Variants in MTG2 observed in about 807,000 individuals in gnomAD.
MTG2 encodes mitochondrial ribosome associated GTPase 2, also known as mitochondrial ribosome-associated GTPase 2.
Under a neutral mutation model 28.6 loss-of-function variants are expected in MTG2, and 23 were observed. That is an observed-to-expected ratio of 0.80 (90% CI 0.58 to 1.14). The LOEUF (loss-of-function observed/expected upper bound fraction) is 1.14, where lower values mean the gene tolerates loss of function less well. Among genes scored for constraint, MTG2 ranks in the 50% most tolerant of loss-of-function variants. The probability of loss-of-function intolerance (pLI) is 0.00; values close to 1 mark genes in which losing one functional copy is unlikely to be tolerated. For synonymous variants in MTG2, 260 were observed against 251.8 expected, an observed-to-expected ratio of 1.03 and a Z score of -0.31; for missense variants, 539 against 552.0, an observed-to-expected ratio of 0.98 and a Z score of 0.24.
intron 1 of MTG2, among the ~76,000 whole-genome samples, chr20:62,189,114 G>C (rs1373452447): frequency 6.6e-6 from 1 of 152,110 alleles, no homozygotes; most frequent in Admixed American, 6.5e-5. Flanking sequence ...CTTGAGACCA[G>C]CCTGGGTAAC....
rs78123987 is a variant in MTG2 at position 62,198,036 on chromosome 20, G to T, written c.468+69G>T. 15 of 1,429,698 alleles carry T rather than the reference G, an allele frequency of 1.0e-5. No individual in the cohort carries two copies. The South Asian group carries it at 1.7e-4, about 16-fold the overall frequency. The allele number at this position is 1,429,698 out of a possible 1,614,324, so 88.6% of individuals were successfully genotyped here. A position where few individuals can be genotyped will look rare whatever the true frequency, so the allele number is the denominator to read the frequency against. ...GATCATCCAGCTCCTGGGGGCCACC[G>T]TGTGACCCACGGGGCCCCTGTGGCT... On this transcript the variant is annotated intron_variant, in intron 4 of 6. Transcript: ENST00000370823.
At chr20:62,187,697 C>T (rs1159905669) in intron 1 of MTG2, among the ~76,000 whole-genome samples, 2 of 152,218 alleles carry the variant, frequency 1.3e-5, no homozygotes, top group Admixed American at 1.3e-4. Flanking sequence ...GTTGAACATT[C>T]CTGACAGTGG....
chr20:62,195,381 T>C (rs1411483081), intron 2 of MTG2, among the ~76,000 whole-genome samples: 2 of 152,232 alleles, frequency 1.3e-5, no homozygotes, highest in Non-Finnish European at 2.9e-5. Flanking sequence ...CCTGGGAAAC[T>C]AGAACTTTCT....
intron 4 of MTG2, chr20:62,198,208 A>G (rs1355403170): frequency 1.8e-6 from 1 of 549,886 alleles, no homozygotes; most frequent in Middle Eastern, 4.8e-4. Flanking sequence ...TCATGAAACG[A>G]TTCTCTTTTA....
chr20:62,200,786 G>A lies in MTG2; in HGVS notation c.930G>A (p.Val310=), dbSNP rs781266075. The A allele has an allele frequency of 3.1e-6, 5 of 1,613,864 alleles. No individual in the cohort carries two copies. The highest frequency in any genetic ancestry group is 4.2e-6 in the Non-Finnish European group (5 of 1,180,038). Residue 310 remains valine (V), a synonymous_variant, in exon 7 of 7, where the codon GTG becomes GTA. Coordinates refer to ENST00000370823, the MANE Select transcript of MTG2 (RefSeq NM_015666.4). ...IERCRFLLFV[V]DLSQPEPWTQ... ...GCTGCCGCTTTCTCTTGTTCGTGGT[G>A]GATCTTTCTCAGCCTGAGCCGTGGA...
chr20:62,191,962 G>A (rs1221268703), intron 1 of MTG2, among the ~76,000 whole-genome samples: 2 of 152,220 alleles, frequency 1.3e-5, no homozygotes, highest in Admixed American at 6.5e-5. Context: ...CTGGCACTTA[G>A]AGTCTGCAGC....
chr20:62,198,351 G>T, intron 4 of MTG2: 1 of 553,718 alleles, frequency 1.8e-6, no homozygotes, highest in South Asian at 2.1e-5. Context: ...TCTCTTAGAT[G>T]TTTTTTCTGG....
rs566344390 is a variant in MTG2, at chr20:62,193,007, TAAC to T, written c.-5-405_-5-403del. On this transcript the variant is annotated intron_variant, in intron 1 of 6. Coordinates refer to ENST00000370823, the MANE Select transcript of MTG2 (RefSeq NM_015666.4). ...TGTTTAATATTCTTGTGTTCCAATG[TAAC>T]AACTTTAAAATTACACAGGATAACA... 1.9e-4 allele frequency among the ~76,000 whole-genome samples: 29 copies of T among 152,360 alleles called. No individual in the cohort carries two copies. The East Asian group carries it at 4.8e-3, about 25-fold the overall frequency.
chr20:62,184,057 AAAGTC>A (rs1337387877), intron 1 of MTG2, among the ~76,000 whole-genome samples: 2 of 152,226 alleles, frequency 1.3e-5, no homozygotes, highest in Non-Finnish European at 2.9e-5. Context: ...TAAAAAATGT[AAAGTC>A]AAGAATCAGG....
intron 1 of MTG2, among the ~76,000 whole-genome samples, chr20:62,190,258 G>A (rs1023270451): frequency 3.3e-5 from 5 of 152,164 alleles, no homozygotes; most frequent in Non-Finnish European, 5.9e-5. Flanking sequence ...TGGGTCCCTC[G>A]AATCCCCTCC....
At chr20:62,185,539 A>C (rs2057825779) in intron 1 of MTG2, among the ~76,000 whole-genome samples, 1 of 152,198 alleles carries the variant, frequency 6.6e-6, no homozygotes, top group Non-Finnish European at 1.5e-5. Flanking sequence ...TGGAACGCTG[A>C]AGCACAAGAA....
At position 62,197,964 on chromosome 20, in the gene MTG2, C is replaced by T. The variant is rs112103829; in HGVS notation, c.465C>T (p.Ile155=). 7.4e-6 allele frequency: 12 copies of T among 1,613,220 alleles called. No homozygotes were observed. In the African/African-American group the frequency reaches 9.3e-5, roughly 13 times the overall value. ...CFGRSGAVLY[I]RVPVGTLVKE... Reference sequence around the variant, plus strand: ...GGCGCAGTGGCGCCGTCCTCTACATCCGGGTGAGCCGAGACTGCCGGACCT... The same window carrying T: ...GGCGCAGTGGCGCCGTCCTCTACATTCGGGTGAGCCGAGACTGCCGGACCT... The change falls in exon 4 of 7, where the codon ATC becomes ATT. Residue 155 remains isoleucine, a synonymous_variant. Coordinates refer to ENST00000370823, the MANE Select transcript of MTG2 (RefSeq NM_015666.4).
At chr20:62,199,399 A>G in intron 6 of MTG2, 142 bp downstream of exon 6, 2 of 1,048,410 alleles carry the variant, frequency 1.9e-6, no homozygotes, top group Non-Finnish European at 2.7e-6. Context: ...TAACCCCAGC[A>G]CTTTGGGAGG....
Position 62,200,888 on chromosome 20 carries a change from AAAC to A in MTG2, c.1035_1037del (p.Asn345del). The A allele has an allele frequency of 6.2e-7, 1 of 1,614,050 alleles. No homozygotes were observed. The highest frequency in any genetic ancestry group is 8.5e-7 in the Non-Finnish European group (1 of 1,180,044). On this transcript the variant is annotated inframe_deletion, in exon 7 of 7. Coordinates refer to ENST00000370823, the MANE Select transcript of MTG2 (RefSeq NM_015666.4). ...CTGCGAGGCCCCACGCAATCGTCGC[AAAC>A]AAGATTGACCTCCCTGAAGCCCAAG...
At chr20:62,200,547 AAGG>A (rs2058147556) in intron 6 of MTG2, 133 bp from the exon 7 acceptor site, 1 of 1,038,150 alleles carries the variant, frequency 9.6e-7, no homozygotes, top group Admixed American at 2.7e-5. Context: ...CGTTCCTTGA[AAGG>A]AAAGTGTTAG....
At position 62,191,649 on chromosome 20, in the gene MTG2, T is replaced by C. The variant is rs2057962619; in HGVS notation, c.-5-1767T>C. Among the ~76,000 whole-genome samples, 4 of 152,318 alleles carry C rather than the reference T, an allele frequency of 2.6e-5. No homozygotes were observed. The South Asian group carries it at 8.3e-4, about 32-fold the overall frequency. On this transcript the variant is annotated intron_variant, in intron 1 of 6. Coordinates refer to ENST00000370823, the MANE Select transcript of MTG2 (RefSeq NM_015666.4). ...GGAGGCAGGCGGTGTCCCCTCGTTGTGCTCCCGCTCTGGCCCCGTGTTGAG... is the reference window on the plus strand; with the variant it reads ...GGAGGCAGGCGGTGTCCCCTCGTTGCGCTCCCGCTCTGGCCCCGTGTTGAG...
At chr20:62,190,290 T>G (rs567942231) in intron 1 of MTG2, among the ~76,000 whole-genome samples, 5 of 152,352 alleles carry the variant, frequency 3.3e-5, no homozygotes, top group African/African-American at 1.2e-4. Context: ...TTGCCTTTCA[T>G]GTGGATTACT....
At chr20:62,200,046 C>T (rs1006367833) in intron 6 of MTG2, 2 of 152,140 alleles carry the variant, frequency 1.3e-5, no homozygotes, top group African/African-American at 4.8e-5. Flanking sequence ...CTATGAAAAT[C>T]AGGTTCCCAC....
intron 1 of MTG2, among the ~76,000 whole-genome samples, chr20:62,186,528 G>GTTT (rs56818308): frequency 1.7e-3 from 218 of 127,088 alleles, no homozygotes; most frequent in South Asian, 3.7e-3. Context: ...TTTTTTTTTT[G>GTTT]TTTTTTTTTT....
Sources: gnomAD v4.1 joint callset for allele counts (sites outside exome capture counted in the v4.1 genomes callset) on GRCh38, gnomAD v4.1.1 for gene constraint, MANE v1.5 for transcripts, NCBI Gene and HGNC (gene_info 2026-07-23, HGNC 2026-07-21) for gene names.